Variants in MAGI2 observed in about 807,000 individuals in gnomAD.
The protein encoded by MAGI2 is membrane-associated guanylate kinase, WW and PDZ domain-containing protein 2.
MAGI2 carries 35 observed loss-of-function variants against 133.3 expected under a neutral mutation model. The observed-to-expected ratio is 0.26, with a 90% CI of 0.20 to 0.35. The LOEUF (loss-of-function observed/expected upper bound fraction) is 0.35. Ranked by LOEUF, MAGI2 falls within the 10% of genes least tolerant of loss-of-function variation. MAGI2 has a pLI of 1.00. For synonymous variants in MAGI2, 729 were observed against 710.6 expected, an observed-to-expected ratio of 1.03 and a Z score of -0.41; for missense variants, 1,636 against 1,863.4, an observed-to-expected ratio of 0.88 and a Z score of 2.25.
At chr7:78,567,773 AC>A (rs1801098397) in intron 3 of MAGI2, among the ~76,000 whole-genome samples, 1 of 151,758 alleles carries the variant, frequency 6.6e-6, no homozygotes. Flanking sequence ...CACAACAAAA[AC>A]CTATTTTCAC....
Position 78,019,969 on chromosome 7 carries a change from G to A in MAGI2, c.3714C>T (p.Pro1238=), listed in dbSNP as rs564661624. 6.2e-7 allele frequency: 1 copy of A among 1,604,992 alleles called. No individual in the cohort carries two copies. Among genetic ancestry groups the A allele is most frequent in the Non-Finnish European group, 8.5e-7 (1 of 1,176,978 alleles). The change falls in exon 22 of 22, where the codon CCC becomes CCT. Residue 1238 remains proline, a synonymous_variant. Transcript: ENST00000354212. ...GTGQVPEYDE[P]APWSSPAAAA... ...CGGCAGCGGGAGAACTCCAGGGGGC[G>A]GGTTCGTCTGTGGACGGGAAGCACA...
At chr7:78,479,061 C>T (rs535369576) in intron 6 of MAGI2, among the ~76,000 whole-genome samples, 1 of 151,902 alleles carries the variant, frequency 6.6e-6, no homozygotes, top group Admixed American at 6.6e-5. Flanking sequence ...AGCACCTGCA[C>T]TGGTGATGTC....
intron 1 of MAGI2, among the ~76,000 whole-genome samples, chr7:79,336,681 G>T (rs528112038): frequency 6.6e-6 from 1 of 151,892 alleles, no homozygotes; most frequent in African/African-American, 2.4e-5. Flanking sequence ...TTAAGCTTCC[G>T]CCTGTAAGTG....
chr7:78,660,887 C>G (rs1675434529), intron 2 of MAGI2, among the ~76,000 whole-genome samples: 1 of 152,134 alleles, frequency 6.6e-6, no homozygotes, highest in Non-Finnish European at 1.5e-5. Flanking sequence ...TGATTCCTGT[C>G]TTCATAACTC....
chr7:78,723,197 A>C (rs889936732), intron 2 of MAGI2, among the ~76,000 whole-genome samples: 1 of 152,250 alleles, frequency 6.6e-6, no homozygotes, highest in Non-Finnish European at 1.5e-5. Context: ...AAACAAAAGA[A>C]AAATGTAAAC....
rs529249547 is a variant in MAGI2 at position 78,748,097 on chromosome 7, C to T, written c.419-120858G>A. Among the ~76,000 whole-genome samples, 132 of 151,928 alleles carry T rather than the reference C, an allele frequency of 8.7e-4. 1 individual carries two copies. The highest frequency in any genetic ancestry group is 3.0e-3 in the African/African-American group (123 of 41,460). On this transcript the variant is annotated intron_variant, in intron 2 of 21. Coordinates refer to ENST00000354212, the MANE Select transcript of MAGI2 (RefSeq NM_012301.4). ...TCACAAAAGAGACCATACTAATTACCACTTTTCCACTGAGTAAGCCCAGGT... is the reference window on the plus strand; with the variant it reads ...TCACAAAAGAGACCATACTAATTACTACTTTTCCACTGAGTAAGCCCAGGT...
At chr7:78,970,090 T>C (rs996163212) in intron 2 of MAGI2, among the ~76,000 whole-genome samples, 37 of 152,086 alleles carry the variant, frequency 2.4e-4, no homozygotes, top group Admixed American at 2.2e-3. Context: ...ATTATGGTCT[T>C]CCAAATTCCT....
chr7:78,367,100 A>AACACACACACACACACACACACACAC lies in MAGI2; in HGVS notation c.1103+2030_1103+2055dup, dbSNP rs6150177. ...TGTACACAGAAGTATAATGTAGGCA[A>AACACACACACACACACACACACACAC]ACACACACACACACACACACACACA... is the stretch of plus-strand genomic sequence containing the variant. On this transcript the variant is annotated intron_variant, in intron 7 of 21. Coordinates refer to ENST00000354212, the MANE Select transcript of MAGI2 (RefSeq NM_012301.4). Among the ~76,000 whole-genome samples the AACACACACACACACACACACACACAC allele has an allele frequency of 3.0e-3, 438 of 146,866 alleles. 1 individual carries two copies. The highest frequency in any genetic ancestry group is 4.9e-3 in the Non-Finnish European group (326 of 66,882).
chr7:78,828,446 A>C (rs1187281648), intron 2 of MAGI2, among the ~76,000 whole-genome samples: 1 of 152,166 alleles, frequency 6.6e-6, no homozygotes, highest in Admixed American at 6.5e-5. Context: ...AAACAAAACC[A>C]ATCAAAACAT....
At chr7:78,523,535 G>C (rs567745573) in intron 3 of MAGI2, among the ~76,000 whole-genome samples, 1 of 151,960 alleles carries the variant, frequency 6.6e-6, no homozygotes, top group African/African-American at 2.4e-5. Flanking sequence ...CCCAAGACTG[G>C]GTAATTTAGA....
chr7:78,401,263 C>A (rs1456985414), intron 6 of MAGI2, among the ~76,000 whole-genome samples: 1 of 152,070 alleles, frequency 6.6e-6, no homozygotes, highest in South Asian at 2.1e-4. Context: ...AAGGATTCCC[C>A]AAGCAGTTGG....
At chr7:79,374,549 T>C (rs895882233) in intron 1 of MAGI2, among the ~76,000 whole-genome samples, 1 of 151,974 alleles carries the variant, frequency 6.6e-6, no homozygotes, top group Admixed American at 6.6e-5. Context: ...AGCCATTTAG[T>C]TAATGGTACT....
chr7:78,263,012 T>C (rs1300234491), intron 9 of MAGI2, among the ~76,000 whole-genome samples: 1 of 152,168 alleles, frequency 6.6e-6, no homozygotes, highest in Non-Finnish European at 1.5e-5. Context: ...CCAGTGTCTA[T>C]CGTTGCCATC....
intron 2 of MAGI2, among the ~76,000 whole-genome samples, chr7:78,644,954 A>G (rs1810696278): frequency 6.6e-6 from 1 of 152,194 alleles, no homozygotes; most frequent in African/African-American, 2.4e-5. Context: ...AGTTTGATGG[A>G]TATTAAAAGG....
intron 1 of MAGI2, among the ~76,000 whole-genome samples, chr7:79,423,045 T>C (rs184919079): frequency 2.0e-5 from 3 of 152,080 alleles, no homozygotes; most frequent in African/African-American, 4.8e-5. Context: ...AAGATTGCGT[T>C]ACATGGCTGC....
chr7:79,135,997 A>AAG (rs1156269913), intron 1 of MAGI2, among the ~76,000 whole-genome samples: 185 of 47,146 alleles, frequency 3.9e-3, no homozygotes, highest in African/African-American at 9.3e-3. Context: ...GAAAGAAAGA[A>AAG]AGAAAGAGAA....
At chr7:78,633,692 C>A (rs563430545) in intron 2 of MAGI2, among the ~76,000 whole-genome samples, 1 of 120,398 alleles carries the variant, frequency 8.3e-6, no homozygotes, top group South Asian at 2.5e-4. Flanking sequence ...GGCGTCAGAG[C>A]GAGACTCCGT....
intron 6 of MAGI2, among the ~76,000 whole-genome samples, chr7:78,378,904 G>GA (rs903511387): frequency 6.6e-6 from 1 of 151,962 alleles, no homozygotes; most frequent in South Asian, 2.1e-4. Flanking sequence ...AGAGGAGAGG[G>GA]AAAAAAAGTA....
At chr7:78,363,496 A>AATAATAATAATAATG (rs889251980) in intron 7 of MAGI2, among the ~76,000 whole-genome samples, 4 of 78,944 alleles carry the variant, frequency 5.1e-5, no homozygotes, top group African/African-American at 1.5e-4. Context: ...CCATCTCGAA[A>AATAATAATAATAATG]ATAATAATAA....
Sources: gnomAD v4.1 joint callset for allele counts (sites outside exome capture counted in the v4.1 genomes callset) on GRCh38, gnomAD v4.1.1 for gene constraint, MANE v1.5 for transcripts, NCBI Gene and HGNC (gene_info 2026-07-23, HGNC 2026-07-21) for gene names.